The following PTPRR variants were observed in gnomAD, a reference collection of about 807,000 sequenced individuals.
The protein encoded by PTPRR is receptor-type tyrosine-protein phosphatase R.
PTPRR carries 38 observed loss-of-function variants against 77.2 expected under a neutral mutation model. The ratio of observed to expected loss-of-function variants is 0.49; its 90% CI spans 0.38 to 0.65. The LOEUF (loss-of-function observed/expected upper bound fraction) is 0.65. Among genes scored for constraint, PTPRR ranks in the 30% least tolerant of loss-of-function variants. The pLI is 0.00. For synonymous variants in PTPRR, 299 were observed against 283.1 expected (o/e 1.06, Z -0.57); for missense variants, 744 against 799.2 (o/e 0.93, Z 0.83).
intron 1 of PTPRR, among the ~76,000 whole-genome samples, chr12:70,918,450 A>G (rs1442637779): frequency 6.6e-6 from 1 of 152,162 alleles, no homozygotes; most frequent in East Asian, 1.9e-4. Flanking sequence ...TGTTTTGCAA[A>G]TTAAAAAGTT....
chr12:70,841,602 G>A (rs902051142), intron 2 of PTPRR, among the ~76,000 whole-genome samples: 3 of 151,928 alleles, frequency 2.0e-5, no homozygotes, highest in African/African-American at 2.4e-5. Flanking sequence ...TTTTTTCATA[G>A]GAATTGAAAA....
At position 70,856,016 on chromosome 12, in the gene PTPRR, A is replaced by AT. The variant is rs1308715644; in HGVS notation, c.357+36662dup. 5.9e-5 allele frequency among the ~76,000 whole-genome samples: 9 copies of AT among 152,134 alleles called. No individual in the cohort carries two copies. The East Asian group carries it at 1.4e-3, about 23-fold the overall frequency. ...CCACAGCATTTTTTTACTCCACAAT[A>AT]TTTTTTTCCTCCTATATCTCTTCAA... On this transcript the variant is annotated intron_variant, in intron 2 of 13. Coordinates refer to ENST00000283228, the MANE Select transcript of PTPRR (RefSeq NM_002849.4).
rs544263161 is a variant in PTPRR, at chr12:70,639,098, T to C, written c.*86A>G. On this transcript the variant is annotated 3_prime_UTR_variant, in exon 14 of 14. Transcript: ENST00000283228. The stretch of plus-strand genomic sequence containing the variant: ...GCTTCAGAGCTTCTCCTTCCTTCCA[T>C]TGCAGGAAGCTCCTTCTAGAAGCCT... 82 of 1,135,972 alleles carry C rather than the reference T, an allele frequency of 7.2e-5. No homozygotes were observed. The African/African-American group carries it at 1.1e-3, about 15-fold the overall frequency. The allele number at this position is 1,135,972 out of a possible 1,614,324, so 70.4% of individuals were successfully genotyped here. A position where few individuals can be genotyped will look rare whatever the true frequency, so the allele number is the denominator to read the frequency against.
chr12:70,841,381 A>AT (rs965505589), intron 2 of PTPRR, among the ~76,000 whole-genome samples: 7 of 151,572 alleles, frequency 4.6e-5, no homozygotes, highest in African/African-American at 1.2e-4. Context: ...CACATTTCTT[A>AT]TTTTTTTTCA....
intron 2 of PTPRR, among the ~76,000 whole-genome samples, chr12:70,774,580 C>A (rs1375225796): frequency 6.6e-6 from 1 of 152,098 alleles, no homozygotes; most frequent in Admixed American, 6.6e-5. Flanking sequence ...TTCATTGCAT[C>A]AAAACATTTG....
At chr12:70,766,221 A>G (rs1355676615) in intron 2 of PTPRR, among the ~76,000 whole-genome samples, 1 of 152,234 alleles carries the variant, frequency 6.6e-6, no homozygotes, top group Non-Finnish European at 1.5e-5. Context: ...ACTCCGAGCT[A>G]CAGGAGGAAA....
At chr12:70,751,644 TTTC>T (rs1456338739) in intron 5 of PTPRR, among the ~76,000 whole-genome samples, 3 of 152,180 alleles carry the variant, frequency 2.0e-5, no homozygotes, top group Admixed American at 2.0e-4. Context: ...ATTATTATGG[TTTC>T]TTCTTCATAG....
intron 8 of PTPRR, among the ~76,000 whole-genome samples, chr12:70,691,227 CTTG>C (rs1319629392): frequency 6.6e-6 from 1 of 152,154 alleles, no homozygotes; most frequent in Non-Finnish European, 1.5e-5. Flanking sequence ...CACTGACCCT[CTTG>C]TTGTTAAGCC....
intron 12 of PTPRR, among the ~76,000 whole-genome samples, chr12:70,660,580 A>G (rs1279311577): frequency 6.6e-6 from 1 of 152,226 alleles, no homozygotes; most frequent in Non-Finnish European, 1.5e-5. Context: ...AGCCACTGAT[A>G]ATTTCAAAAA....
intron 2 of PTPRR, among the ~76,000 whole-genome samples, chr12:70,830,227 T>G: frequency 6.6e-6 from 1 of 152,242 alleles, no homozygotes; most frequent in South Asian, 2.1e-4. Flanking sequence ...ATGTGTGAGT[T>G]AAAATAAAAT....
rs551747358 is a variant in PTPRR, at chr12:70,707,026, G to C, written c.1008-5703C>G. 5.5e-4 allele frequency among the ~76,000 whole-genome samples: 83 copies of C among 152,192 alleles called. 1 individual carries two copies. The highest frequency in any genetic ancestry group is 1.9e-3 in the African/African-American group (81 of 41,554). On this transcript the variant is annotated intron_variant, in intron 6 of 13. Transcript: ENST00000283228. ...TTACACAGCTATGTGGGAGCTACAT[G>C]AGTACACACTGATGAACATTTGAGG...
intron 2 of PTPRR, among the ~76,000 whole-genome samples, chr12:70,797,436 C>T (rs1013649730): frequency 6.6e-6 from 1 of 152,190 alleles, no homozygotes; most frequent in African/African-American, 2.4e-5. Flanking sequence ...ATATAAGCTA[C>T]CTTGAAAATT....
chr12:70,685,690 A>G (rs1887842229), intron 8 of PTPRR, among the ~76,000 whole-genome samples: 2 of 152,010 alleles, frequency 1.3e-5, no homozygotes, highest in South Asian at 4.2e-4. Flanking sequence ...ACAAAAAACT[A>G]TGATTCATTT....
At chr12:70,830,237 T>C (rs1207272241) in intron 2 of PTPRR, among the ~76,000 whole-genome samples, 3 of 152,152 alleles carry the variant, frequency 2.0e-5, no homozygotes, top group Non-Finnish European at 4.4e-5. Flanking sequence ...TAAAATAAAA[T>C]AGATTATGCT....
At chr12:70,666,536 T>G (rs75140614) in intron 10 of PTPRR, among the ~76,000 whole-genome samples, 1 of 152,292 alleles carries the variant, frequency 6.6e-6, no homozygotes, top group African/African-American at 2.4e-5. Context: ...GAAAAGAGCT[T>G]TATGAGATAA....
intron 1 of PTPRR, among the ~76,000 whole-genome samples, chr12:70,900,568 A>C (rs147607342): frequency 2.0e-3 from 302 of 151,702 alleles, no homozygotes; most frequent in African/African-American, 6.7e-3. Context: ...CAAAGGAAAC[A>C]ATTAACAAAG....
At chr12:70,809,407 G>A (rs1421144592) in intron 2 of PTPRR, among the ~76,000 whole-genome samples, 1 of 152,108 alleles carries the variant, frequency 6.6e-6, no homozygotes, top group Non-Finnish European at 1.5e-5. Context: ...CATTGTGTTA[G>A]CCTCTTAACT....
At chr12:70,715,961 C>A (rs1450708100) in intron 6 of PTPRR, among the ~76,000 whole-genome samples, 3 of 152,074 alleles carry the variant, frequency 2.0e-5, no homozygotes, top group Non-Finnish European at 4.4e-5. Flanking sequence ...TGATAAGTGT[C>A]CATGAAATCT....
In PTPRR at chr12:70,889,181, A is replaced by G. The variant is rs556787077; in HGVS notation, c.357+3498T>C. Among the ~76,000 whole-genome samples the G allele has an allele frequency of 8.5e-5, 13 of 152,348 alleles. No homozygotes were observed. In the East Asian group the frequency reaches 1.7e-3, roughly 20 times the overall value. ...AATTCTGTTGATATGTACATAGACT[A>G]AGCCCATCCTTCGGGTAATCCACTA... is the stretch of plus-strand genomic sequence containing the variant. On this transcript the variant is annotated intron_variant, in intron 2 of 13. Transcript: ENST00000283228.
Sources: gnomAD v4.1 joint callset for allele counts (sites outside exome capture counted in the v4.1 genomes callset) on GRCh38, gnomAD v4.1.1 for gene constraint, MANE v1.5 for transcripts, NCBI Gene and HGNC (gene_info 2026-07-23, HGNC 2026-07-21) for gene names.